Variants in RNGTT observed in about 807,000 individuals in gnomAD.
The protein encoded by RNGTT is mRNA-capping enzyme.
Under a neutral mutation model 79.3 loss-of-function variants are expected in RNGTT, and 33 were observed. The observed-to-expected ratio is 0.42, with a 90% CI of 0.32 to 0.56. The LOEUF (loss-of-function observed/expected upper bound fraction) is 0.56. RNGTT is among the 20% of genes least tolerant of loss of function. The pLI, the probability that RNGTT is intolerant of heterozygous loss-of-function variation, is 0.17. For synonymous variants in RNGTT, 222 were observed against 235.9 expected, an observed-to-expected ratio of 0.94 and a Z score of 0.54; for missense variants, 497 against 739.1, an observed-to-expected ratio of 0.67 and a Z score of 3.80.
intron 12 of RNGTT, among the ~76,000 whole-genome samples, chr6:88,796,343 A>G (rs1779602803): frequency 6.6e-6 from 1 of 152,200 alleles, no homozygotes; most frequent in South Asian, 2.1e-4. Context: ...CTTCCATAGT[A>G]TAATTTTACT....
At chr6:88,860,716 T>G (rs994580952) in intron 8 of RNGTT, among the ~76,000 whole-genome samples, 16 of 152,098 alleles carry the variant, frequency 1.1e-4, no homozygotes, top group African/African-American at 3.6e-4. Flanking sequence ...GATACACGTC[T>G]GTAATCCTAG....
At chr6:88,772,352 A>C (rs981798440) in intron 12 of RNGTT, among the ~76,000 whole-genome samples, 1 of 152,188 alleles carries the variant, frequency 6.6e-6, no homozygotes, top group Non-Finnish European at 1.5e-5. Flanking sequence ...CAATACTCCC[A>C]GAACAATCTA....
At chr6:88,861,890 C>T (rs958701272) in intron 8 of RNGTT, among the ~76,000 whole-genome samples, 4 of 152,038 alleles carry the variant, frequency 2.6e-5, no homozygotes, top group Admixed American at 6.6e-5. Flanking sequence ...TGAAACAGTA[C>T]ATTTTGTCAT....
intron 4 of RNGTT, among the ~76,000 whole-genome samples, chr6:88,928,460 T>C (rs924854771): frequency 6.6e-6 from 1 of 152,184 alleles, no homozygotes; most frequent in African/African-American, 2.4e-5. Context: ...GCAGGATGTT[T>C]TTTTCTATTT....
In RNGTT at chr6:88,801,650, A is replaced by G. The variant is rs1435470800; in HGVS notation, c.1270-18T>C. ...TCAAGTAGCTATAAAATAAATACAC[A>G]TGTATTCTTTAAAAATATAATAATC... On this transcript the variant is annotated intron_variant, in intron 11 of 15. Transcript: ENST00000369485. 3.3e-6 allele frequency: 5 copies of G among 1,508,596 alleles called. No homozygotes were observed. The highest frequency in any genetic ancestry group is 2.3e-5 in the South Asian group (2 of 88,326). 93.5% of individuals were successfully genotyped at this position (1,508,596 alleles called of 1,614,324 possible). A position where few individuals can be genotyped will look rare whatever the true frequency, so the allele number is the denominator to read the frequency against.
At chr6:88,736,533 G>T (rs1777291435) in intron 13 of RNGTT, among the ~76,000 whole-genome samples, 1 of 152,120 alleles carries the variant, frequency 6.6e-6, no homozygotes, top group African/African-American at 2.4e-5. Context: ...CCTAAACAAA[G>T]TATTAAAAGA....
At chr6:88,726,639 A>G (rs1776917875) in intron 13 of RNGTT, among the ~76,000 whole-genome samples, 1 of 152,188 alleles carries the variant, frequency 6.6e-6, no homozygotes, top group Non-Finnish European at 1.5e-5. Flanking sequence ...CACAATGGGT[A>G]TTCAGTAAGT....
intron 11 of RNGTT, among the ~76,000 whole-genome samples, chr6:88,838,962 C>A (rs1055412822): frequency 3.3e-5 from 5 of 151,666 alleles, no homozygotes; most frequent in Non-Finnish European, 7.4e-5. Context: ...CAGACATACA[C>A]AACAAACTTC....
intron 14 of RNGTT, among the ~76,000 whole-genome samples, chr6:88,634,884 T>G (rs1180044937): frequency 2.0e-5 from 3 of 152,046 alleles, no homozygotes; most frequent in African/African-American, 7.2e-5. Context: ...AAGGTTAAAA[T>G]GAAGTATTAT....
chr6:88,954,619 C>A (rs985285792), intron 1 of RNGTT, among the ~76,000 whole-genome samples: 3 of 151,532 alleles, frequency 2.0e-5, no homozygotes, highest in Admixed American at 6.6e-5. Context: ...GTTAAATATA[C>A]CCTAGAACAA....
intron 13 of RNGTT, among the ~76,000 whole-genome samples, chr6:88,687,001 A>C (rs1178034471): frequency 1.3e-5 from 2 of 152,126 alleles, no homozygotes; most frequent in East Asian, 3.8e-4. Context: ...ATGGCAAAAA[A>C]ACACCATAAA....
Position 88,663,942 on chromosome 6 carries a change from A to G in RNGTT, c.1506+14411T>C, listed in dbSNP as rs186388629. On this transcript the variant is annotated intron_variant, in intron 14 of 15. Coordinates refer to ENST00000369485, the MANE Select transcript of RNGTT (RefSeq NM_003800.5). ...GCAAGCTCTGATTGACTTGCTCCAAACTATTATCCAAACTCATAACCCCAC... is the reference window on the plus strand; with the variant it reads ...GCAAGCTCTGATTGACTTGCTCCAAGCTATTATCCAAACTCATAACCCCAC... Among the ~76,000 whole-genome samples the G allele has an allele frequency of 9.8e-5, 15 of 152,290 alleles. No individual in the cohort carries two copies. The East Asian group carries it at 1.5e-3, about 16-fold the overall frequency.
intron 13 of RNGTT, among the ~76,000 whole-genome samples, chr6:88,766,076 T>C (rs1582434203): frequency 6.6e-6 from 1 of 152,172 alleles, no homozygotes; most frequent in East Asian, 1.9e-4. Context: ...TTTAAACGTT[T>C]ACCATGTACC....
intron 13 of RNGTT, among the ~76,000 whole-genome samples, chr6:88,721,235 G>A (rs529888757): frequency 3.9e-5 from 6 of 152,048 alleles, no homozygotes; most frequent in South Asian, 2.1e-4. Flanking sequence ...CTACACTCTC[G>A]ATTCCAGATT....
Position 88,769,751 on chromosome 6 carries a change from A to G in RNGTT, c.1439+23T>C, listed in dbSNP as rs367894992. ...ACACAAACAGTATTATTTCATGCAA[A>G]AAGTACAAAAGTGCATACTTACCCT... On this transcript the variant is annotated intron_variant, in intron 13 of 15. Transcript: ENST00000369485. 1.6e-5 allele frequency: 23 copies of G among 1,461,210 alleles called. No individual in the cohort carries two copies. The South Asian group carries it at 1.6e-4, about 10-fold the overall frequency. The allele number at this position is 1,461,210 out of a possible 1,614,324, so 90.5% of individuals were successfully genotyped here.
chr6:88,837,796 T>A (rs1331074921), intron 11 of RNGTT, among the ~76,000 whole-genome samples: 1 of 152,148 alleles, frequency 6.6e-6, no homozygotes, highest in Admixed American at 6.5e-5. Context: ...AACAAACGCA[T>A]ACTTGTTTCA....
At chr6:88,765,308 T>G (rs926373506) in intron 13 of RNGTT, among the ~76,000 whole-genome samples, 1 of 152,142 alleles carries the variant, frequency 6.6e-6, no homozygotes, top group Non-Finnish European at 1.5e-5. Context: ...TCAGGGCACT[T>G]TTTTTCCACT....
At chr6:88,806,036 A>G (rs1212441959) in intron 11 of RNGTT, among the ~76,000 whole-genome samples, 1 of 152,194 alleles carries the variant, frequency 6.6e-6, no homozygotes, top group Admixed American at 6.5e-5. Flanking sequence ...AAGCCTATTA[A>G]CAAACTAAAA....
At chr6:88,901,827 C>A (rs185827243) in intron 6 of RNGTT, among the ~76,000 whole-genome samples, 81 of 152,156 alleles carry the variant, frequency 5.3e-4, no homozygotes, top group Middle Eastern at 3.4e-3. Context: ...TCAGAAAAAA[C>A]ATTCTTCAAA....
Sources: allele counts gnomAD v4.1 joint callset (sites outside exome capture counted in the v4.1 genomes callset), GRCh38; gene constraint gnomAD v4.1.1; transcripts MANE v1.5; gene names NCBI Gene and HGNC (gene_info 2026-07-23, HGNC 2026-07-21).